The following VIPR2 variants were observed in gnomAD, a reference collection of about 807,000 sequenced individuals.
The protein encoded by VIPR2 is vasoactive intestinal peptide receptor 2.
In VIPR2, 48 loss-of-function variants were observed where a neutral mutation model predicts 58.0. That is an observed-to-expected ratio of 0.83 (90% CI 0.66 to 1.05). VIPR2 has a LOEUF of 1.05. Among genes scored for constraint, VIPR2 ranks in the 50% least tolerant of loss-of-function variants. The probability of loss-of-function intolerance (pLI) is 0.00; values close to 1 mark genes in which losing one functional copy is unlikely to be tolerated. For missense variants in VIPR2, 534 were observed against 558.0 expected (o/e 0.96, Z 0.43); for synonymous variants, 243 against 235.2 (o/e 1.03, Z -0.30).
intron 5 of VIPR2, among the ~76,000 whole-genome samples, chr7:159,052,021 A>G (rs1252428827): frequency 6.6e-6 from 1 of 152,230 alleles, no homozygotes; most frequent in African/African-American, 2.4e-5. Flanking sequence ...TGAATGACCT[A>G]TGTAGCACAT....
intron 4 of VIPR2, among the ~76,000 whole-genome samples, chr7:159,070,317 C>T (rs1408415759): frequency 6.6e-6 from 1 of 152,030 alleles, no homozygotes; most frequent in East Asian, 1.9e-4. Flanking sequence ...GCTGCCACTG[C>T]GGTCACTCTG....
At chr7:159,035,701 T>G in intron 8 of VIPR2, 1 of 985,426 alleles carries the variant, frequency 1.0e-6, no homozygotes, top group Non-Finnish European at 1.2e-6. Context: ...AGTCTCTGCC[T>G]GGCTTATCCC....
chr7:159,138,050 C>T (rs1455656582), intron 2 of VIPR2, among the ~76,000 whole-genome samples: 1 of 152,200 alleles, frequency 6.6e-6, no homozygotes, highest in Non-Finnish European at 1.5e-5. Flanking sequence ...TAGAACAGGT[C>T]TGCCTTGAAT....
rs1410473532 is a variant in VIPR2, at chr7:159,097,622, A to T, written c.357+6135T>A. 6.6e-6 allele frequency among the ~76,000 whole-genome samples: 1 copy of T among 152,178 alleles called. No homozygotes were observed. The highest frequency in any genetic ancestry group is 1.5e-5 in the Non-Finnish European group (1 of 68,036). ...GCTCTTTCATCAGTGCCCAAGATGA[A>T]ATCCAAATCACCAAGGAGAATTCCC... On this transcript the variant is annotated intron_variant, in intron 4 of 12. Coordinates refer to ENST00000262178, the MANE Select transcript of VIPR2 (RefSeq NM_003382.5). The surrounding 1 kb of genome is among the most constrained non-coding windows in gnomAD (Gnocchi z 5.3).
chr7:159,144,105 TTTTTTTCTTTC>T (rs1382554112), intron 1 of VIPR2, among the ~76,000 whole-genome samples: 8 of 152,106 alleles, frequency 5.3e-5, no homozygotes, highest in East Asian at 3.9e-4. Flanking sequence ...AAGGCTCGGG[TTTTTTTCTTTC>T]TTTTTTCTTT....
intron 1 of VIPR2, among the ~76,000 whole-genome samples, chr7:159,143,212 T>C (rs112325580): frequency 0.041 from 6,214 of 152,306 alleles, 164 homozygotes; most frequent in Middle Eastern, 0.071. Context: ...AGTCTACTAA[T>C]GTGAGAAGAA....
At position 159,031,417 on chromosome 7, in the gene VIPR2, C is replaced by CG. The variant is rs1264119686; in HGVS notation, c.1143+410dup. 7.1e-6 allele frequency: 7 copies of CG among 984,044 alleles called. No homozygotes were observed. The highest frequency in any genetic ancestry group is 8.4e-6 in the Non-Finnish European group (7 of 828,794). 61.0% of individuals were successfully genotyped at this position (984,044 alleles called of 1,614,324 possible). A position where few individuals can be genotyped will look rare whatever the true frequency, so the allele number is the denominator to read the frequency against. ...ATGAACGCAGGGCAGAGCTCGGCTC[C>CG]GGGCTTCCTCCCCAGGGACTCACAG... On this transcript the variant is annotated intron_variant, in intron 12 of 12. Transcript: ENST00000262178. This position sits in a 1 kb window ranked among gnomAD's most constrained non-coding sequence, Gnocchi z 4.0.
chr7:159,053,671 T>G (rs765616903), intron 5 of VIPR2, among the ~76,000 whole-genome samples: 14 of 152,232 alleles, frequency 9.2e-5, no homozygotes, highest in Admixed American at 1.3e-4. Context: ...CTTAAGTAGC[T>G]GGAACTGCAG....
At chr7:159,120,342 G>A (rs375943484) in intron 2 of VIPR2, among the ~76,000 whole-genome samples, 145 of 152,078 alleles carry the variant, frequency 9.5e-4, no homozygotes, top group African/African-American at 3.3e-3. Context: ...AAGCAGGGCC[G>A]GATGGTCCCC....
chr7:159,053,827 C>T (rs552475115), intron 5 of VIPR2, among the ~76,000 whole-genome samples: 84 of 152,318 alleles, frequency 5.5e-4, no homozygotes, highest in African/African-American at 1.7e-3. Flanking sequence ...GGATCACAGG[C>T]GTGAGCCAAT....
At chr7:159,046,499 G>A (rs975894420) in intron 5 of VIPR2, among the ~76,000 whole-genome samples, 1 of 152,236 alleles carries the variant, frequency 6.6e-6, no homozygotes, top group African/African-American at 2.4e-5. Context: ...ATTCCATGGA[G>A]AAGGCAGATT....
chr7:159,103,616 C>T, intron 4 of VIPR2, 141 bp downstream of exon 4: 2 of 669,728 alleles, frequency 3.0e-6, no homozygotes, highest in South Asian at 3.8e-5. Context: ...CTTCGCTTAA[C>T]TTGGAAAGCA....
chr7:159,036,855 G>T lies in VIPR2; in HGVS notation c.645C>A (p.Ala215=), dbSNP rs764568382. 1 of 1,614,058 alleles carries T rather than the reference G, an allele frequency of 6.2e-7. No homozygotes were observed. ...CCTCCACCAGCAGCCAGAAGAAGTT[G>T]GCCATGATGCAGTACTGCAGGAAGA... ...SLVFLQYCIM[A]NFFWLLVEGL... The change falls in exon 7 of 13, where the codon GCC becomes GCA. Residue 215 remains alanine (A), a synonymous_variant. Coordinates refer to ENST00000262178, the MANE Select transcript of VIPR2 (RefSeq NM_003382.5).
chr7:159,086,021 T>G (rs184197315), intron 4 of VIPR2, among the ~76,000 whole-genome samples: 1 of 152,056 alleles, frequency 6.6e-6, no homozygotes, highest in East Asian at 1.9e-4. Flanking sequence ...CAACAAGGGG[T>G]CAATATTATA....
chr7:159,117,904 C>T (rs1159341942), intron 2 of VIPR2, among the ~76,000 whole-genome samples: 1 of 152,234 alleles, frequency 6.6e-6, no homozygotes, highest in Non-Finnish European at 1.5e-5. Context: ...TGGCCATCGG[C>T]TCGGATGACA....
chr7:159,144,491 G>A (rs1253145836), intron 1 of VIPR2: 2 of 1,538,402 alleles, frequency 1.3e-6, no homozygotes, highest in Non-Finnish European at 1.8e-6. Context: ...GCGGGGAAGG[G>A]CGCAGGCAGC....
Position 159,031,813 on chromosome 7 carries a change from C to T in VIPR2, c.1143+15G>A, listed in dbSNP as rs1285793725. 8 of 1,613,892 alleles carry T rather than the reference C, an allele frequency of 5.0e-6. No individual in the cohort carries two copies. The South Asian group carries it at 5.5e-5, about 11-fold the overall frequency. The stretch of plus-strand genomic sequence containing the variant: ...TGAGTACCTGTGCTTGGTTCCAAGG[C>T]GGCCATGAACTTACCTCACTGTTCA... On this transcript the variant is annotated intron_variant, in intron 12 of 12. Transcript: ENST00000262178. The surrounding 1 kb of genome is among the most constrained non-coding windows in gnomAD (Gnocchi z 4.0).
intron 4 of VIPR2, chr7:159,059,304 T>A (rs1290807454): frequency 2.1e-6 from 1 of 471,194 alleles, no homozygotes; most frequent in Admixed American, 2.3e-5. Context: ...TCATCATCAC[T>A]CGCCACTCCC....
intron 4 of VIPR2, among the ~76,000 whole-genome samples, chr7:159,066,048 C>G (rs1006230066): frequency 2.0e-5 from 3 of 149,484 alleles, no homozygotes; most frequent in African/African-American, 7.3e-5. Flanking sequence ...TGGGATTCCA[C>G]GATGCCTGCT....
Sources: allele counts gnomAD v4.1 joint callset (sites outside exome capture counted in the v4.1 genomes callset), GRCh38; gene constraint gnomAD v4.1.1; non-coding constraint Gnocchi (gnomAD v3.1); transcripts MANE v1.5; gene names NCBI Gene and HGNC (gene_info 2026-07-23, HGNC 2026-07-21).